Variants in LIMK2 observed in about 807,000 individuals in gnomAD.
LIMK2 encodes the protein LIM domain kinase 2.
Under a neutral mutation model 75.7 loss-of-function variants are expected in LIMK2, and 35 were observed. The observed-to-expected ratio is 0.46, with a 90% CI of 0.35 to 0.61. The LOEUF is 0.61. Among genes scored for constraint, LIMK2 ranks in the 20% least tolerant of loss-of-function variants. The pLI is 0.00. For synonymous variants in LIMK2, 301 were observed against 319.2 expected, an observed-to-expected ratio of 0.94 and a Z score of 0.61; for missense variants, 623 against 831.0, an observed-to-expected ratio of 0.75 and a Z score of 3.08.
intron 15 of LIMK2, chr22:31,275,662 T>C (rs1186643859): frequency 1.1e-5 from 2 of 186,480 alleles, no homozygotes; most frequent in African/African-American, 4.7e-5. Flanking sequence ...TTCTGTATTT[T>C]GCCCTGCATT....
At chr22:31,221,705 G>T (rs1228696449) in intron 1 of LIMK2, among the ~76,000 whole-genome samples, 1 of 151,982 alleles carries the variant, frequency 6.6e-6, no homozygotes, top group Non-Finnish European at 1.5e-5. Context: ...GGCTGGTCTC[G>T]AACTCCTGAC....
intron 2 of LIMK2, 121 bp downstream of exon 2, chr22:31,225,940 A>G: frequency 1.3e-6 from 1 of 775,296 alleles, no homozygotes; most frequent in Non-Finnish European, 2.2e-6. Flanking sequence ...GGGTGGGGAA[A>G]GGAATGTACC....
chr22:31,239,373 G>T (rs1246949317), intron 2 of LIMK2, among the ~76,000 whole-genome samples: 1 of 152,172 alleles, frequency 6.6e-6, no homozygotes, highest in East Asian at 1.9e-4. Context: ...CACCATTCTG[G>T]CCTCCTGTCT....
chr22:31,258,135 CCTTGGGGAGATAGCA>C (rs760156023), intron 2 of LIMK2, among the ~76,000 whole-genome samples, 141 bp from the exon 3 acceptor site: 2 of 152,150 alleles, frequency 1.3e-5, no homozygotes, highest in Admixed American at 6.5e-5. Context: ...AACCAGCTTC[CCTTGGGGAGATAGCA>C]CAAGGCTGTA....
At chr22:31,238,460 T>G (rs2048598440) in intron 2 of LIMK2, among the ~76,000 whole-genome samples, 1 of 152,174 alleles carries the variant, frequency 6.6e-6, no homozygotes, top group South Asian at 2.1e-4. Context: ...ATTTTAATAG[T>G]CAATTCATAA....
intron 15 of LIMK2, among the ~76,000 whole-genome samples, chr22:31,276,538 C>A (rs1027439820): frequency 1.4e-5 from 2 of 146,576 alleles, no homozygotes; most frequent in Non-Finnish European, 3.0e-5. Flanking sequence ...CAGGCCAGGC[C>A]CGGGGGCTCC....
At chr22:31,232,918 T>C (rs1256505627) in intron 2 of LIMK2, among the ~76,000 whole-genome samples, 2 of 152,168 alleles carry the variant, frequency 1.3e-5, no homozygotes, top group African/African-American at 4.8e-5. Context: ...ACTGGTTCCC[T>C]AAGACAGCTG....
chr22:31,269,161 A>C (rs1308517912), intron 11 of LIMK2, among the ~76,000 whole-genome samples: 1 of 151,886 alleles, frequency 6.6e-6, no homozygotes, highest in African/African-American at 2.4e-5. Flanking sequence ...ACTGGAGTGC[A>C]GTGGCACGAT....
chr22:31,278,361 A>G lies in LIMK2; in HGVS notation c.1837A>G (p.Ile613Val). 6.2e-7 allele frequency: 1 copy of G among 1,613,904 alleles called. No homozygotes were observed. Among genetic ancestry groups the G allele is most frequent in the Non-Finnish European group, 8.5e-7 (1 of 1,179,864 alleles). Residue 613 changes from isoleucine to valine, a missense_variant, in exon 16 of 16, where the codon ATC becomes GTC. Physicochemically the swap from Ile to Val is conservative, Grantham distance 29. This residue lies in a region of LIMK2 where 46 missense variants were observed against 46.9 expected (regional missense o/e 0.98). Coordinates refer to ENST00000331728, the MANE Select transcript of LIMK2 (RefSeq NM_005569.4). ...ALSLYLGELG[I>V]PLPAELEELD... ...CTCCCTGTACCTGGGGGAGCTGGGC[A>G]TCCCGCTGCCTGCAGAGCTGGAGGA...
In LIMK2 at chr22:31,267,757, T is replaced by C. The variant is rs2048910709; in HGVS notation, c.1129-19T>C. On this transcript the variant is annotated intron_variant, in intron 9 of 15. Coordinates refer to ENST00000331728, the MANE Select transcript of LIMK2 (RefSeq NM_005569.4). ...TGAGAAGTTAACCACCAGCTTTCCT[T>C]GGCTTCCCCCACCCCCAGGTGAAAG... 1 of 1,574,548 alleles carries C rather than the reference T, an allele frequency of 6.4e-7. No individual in the cohort carries two copies.
intron 15 of LIMK2, chr22:31,277,661 G>T: frequency 1.7e-6 from 1 of 586,328 alleles, no homozygotes; most frequent in Non-Finnish European, 2.2e-6. Flanking sequence ...TGTGTGCTAG[G>T]TACAGTTCTA....
chr22:31,219,370 G>A (rs2048414809), intron 1 of LIMK2, among the ~76,000 whole-genome samples: 2 of 152,114 alleles, frequency 1.3e-5, no homozygotes. Flanking sequence ...AGGTCTTAAA[G>A]GTGAGAACCC....
intron 11 of LIMK2, among the ~76,000 whole-genome samples, chr22:31,270,620 G>A (rs547471213): frequency 6.6e-6 from 1 of 152,354 alleles, no homozygotes; most frequent in African/African-American, 2.4e-5. Context: ...TTGGTAGGAA[G>A]GGGGAGAGCT....
rs780542414 is a variant in LIMK2 at position 31,277,186 on chromosome 22, AC to A, written c.1773-1105del. The A allele has an allele frequency of 3.1e-6, 5 of 1,610,534 alleles. No individual in the cohort carries two copies. The African/African-American group carries it at 4.0e-5, about 13-fold the overall frequency. ...CGGTGGCTCCCATAGGACAATCGCT[AC>A]CCCCCGACCTCGTAGCAACAGCAAT... On this transcript the variant is annotated intron_variant, in intron 15 of 15. Coordinates refer to ENST00000331728, the MANE Select transcript of LIMK2 (RefSeq NM_005569.4).
intron 15 of LIMK2, chr22:31,277,249 C>T (rs2049039417): frequency 1.3e-6 from 2 of 1,553,006 alleles, no homozygotes. Flanking sequence ...GTTCCATGAG[C>T]AGGGCTCCTC....
chr22:31,245,331 C>T (rs956833465), intron 2 of LIMK2, among the ~76,000 whole-genome samples: 2 of 151,982 alleles, frequency 1.3e-5, no homozygotes, highest in African/African-American at 4.8e-5. Flanking sequence ...GACAGAGTTT[C>T]ACTCTTGTTG....
chr22:31,249,798 G>A (rs953287436), intron 2 of LIMK2, among the ~76,000 whole-genome samples: 6 of 152,126 alleles, frequency 3.9e-5, no homozygotes, highest in Non-Finnish European at 7.4e-5. Flanking sequence ...TGGAATGACC[G>A]GACCCTGGTA....
chr22:31,237,662 C>G (rs972607014), intron 2 of LIMK2, among the ~76,000 whole-genome samples: 1 of 152,048 alleles, frequency 6.6e-6, no homozygotes, highest in Non-Finnish European at 1.5e-5. Flanking sequence ...ACTGGGAACA[C>G]TATTCACAGA....
chr22:31,238,127 A>C (rs921687673), intron 2 of LIMK2, among the ~76,000 whole-genome samples: 20 of 151,674 alleles, frequency 1.3e-4, no homozygotes, highest in Non-Finnish European at 2.2e-4. Flanking sequence ...AAAAAAAAAA[A>C]AAAAACCAAA....
Sources: allele counts gnomAD v4.1 joint callset (sites outside exome capture counted in the v4.1 genomes callset), GRCh38; gene constraint gnomAD v4.1.1; regional missense constraint gnomAD v4.1.1; transcripts MANE v1.5; gene names NCBI Gene and HGNC (gene_info 2026-07-23, HGNC 2026-07-21).